The following INTS13 variants were observed in gnomAD, a reference collection of about 807,000 sequenced individuals.
INTS13 encodes asunder, spermatogenesis regulator homolog (Drosphila).
In INTS13, 35 loss-of-function variants were observed where a neutral mutation model predicts 90.2. That is an observed-to-expected ratio of 0.39 (90% CI 0.30 to 0.51). INTS13 has a LOEUF of 0.51. Ranked by LOEUF, INTS13 falls within the 20% of genes least tolerant of loss-of-function variation. INTS13 has a pLI of 0.80. For synonymous variants in INTS13, 309 were observed against 277.1 expected, an observed-to-expected ratio of 1.11 and a Z score of -1.14; for missense variants, 601 against 851.2, an observed-to-expected ratio of 0.71 and a Z score of 3.66.
At position 26,928,326 on chromosome 12, in the gene INTS13, C is replaced by T. The variant is rs1239013410; in HGVS notation, c.504-41G>A. 4 of 1,497,564 alleles carry T rather than the reference C, an allele frequency of 2.7e-6. No homozygotes were observed. The African/African-American group carries it at 5.5e-5, about 21-fold the overall frequency. 92.8% of individuals were successfully genotyped at this position (1,497,564 alleles called of 1,614,324 possible). A position where few individuals can be genotyped will look rare whatever the true frequency, so the allele number is the denominator to read the frequency against. On this transcript the variant is annotated intron_variant, in intron 4 of 16. Transcript: ENST00000261191. The stretch of plus-strand genomic sequence containing the variant: ...GATATAGCAAATTTAAAGGAATAAA[C>T]AGTAACAGAAAAAATTCAAAACACT...
At chr12:26,926,000 C>A in intron 5 of INTS13, 149 bp from the exon 6 acceptor site, 1 of 565,766 alleles carries the variant, frequency 1.8e-6, no homozygotes, top group Non-Finnish European at 3.1e-6. Flanking sequence ...ATTAGAAAGG[C>A]AGTATATGTA....
chr12:26,926,747 C>T (rs756290563), intron 5 of INTS13, among the ~76,000 whole-genome samples: 26 of 152,170 alleles, frequency 1.7e-4, no homozygotes, highest in Admixed American at 1.3e-4. Flanking sequence ...CAGTTCTTGA[C>T]ACATAGCTCT....
At chr12:26,913,929 T>A (rs759624731) in intron 13 of INTS13, 45 bp downstream of exon 13, 45 of 1,525,202 alleles carry the variant, frequency 3.0e-5, no homozygotes, top group Non-Finnish European at 3.9e-5. Context: ...ACAATATGTA[T>A]CAAGTAAATG....
chr12:26,936,074 C>T (rs762527211), intron 2 of INTS13, among the ~76,000 whole-genome samples: 4 of 152,216 alleles, frequency 2.6e-5, no homozygotes, highest in Non-Finnish European at 5.9e-5. Flanking sequence ...TTGCAAGCAG[C>T]TAGCCAGCTT....
intron 15 of INTS13, among the ~76,000 whole-genome samples, chr12:26,910,783 C>T (rs1393007514): frequency 6.6e-6 from 1 of 152,182 alleles, no homozygotes; most frequent in Non-Finnish European, 1.5e-5. Context: ...AAGAACTCTT[C>T]CTCACATACA....
At chr12:26,935,728 G>A (rs528438441) in intron 2 of INTS13, among the ~76,000 whole-genome samples, 7 of 152,164 alleles carry the variant, frequency 4.6e-5, no homozygotes, top group African/African-American at 1.7e-4. Flanking sequence ...ATTTTAAGAA[G>A]GGCTTATATT....
chr12:26,920,943 A>G (rs2137487086), intron 8 of INTS13, among the ~76,000 whole-genome samples: 1 of 152,350 alleles, frequency 6.6e-6, no homozygotes, highest in Non-Finnish European at 1.5e-5. Flanking sequence ...CAACATAATC[A>G]AAGTCAACCG....
chr12:26,920,591 G>A (rs185779327), intron 8 of INTS13, among the ~76,000 whole-genome samples: 70 of 152,112 alleles, frequency 4.6e-4, no homozygotes, highest in Admixed American at 1.0e-3. Context: ...AGTAGAGACG[G>A]GGTTTCACCA....
At chr12:26,928,097 G>T in intron 5 of INTS13, 108 bp downstream of exon 5, 1 of 691,248 alleles carries the variant, frequency 1.4e-6, no homozygotes, top group Non-Finnish European at 2.3e-6. Flanking sequence ...CTAATTTGTT[G>T]AGTCAATAGA....
intron 11 of INTS13, 92 bp downstream of exon 11, chr12:26,915,909 TC>T (rs1951920007): frequency 1.1e-6 from 1 of 884,382 alleles, no homozygotes; most frequent in African/African-American, 1.7e-5. Flanking sequence ...TCTCTTTTTT[TC>T]CACAGACCTT....
At chr12:26,933,342 A>G (rs1232011232) in intron 3 of INTS13, among the ~76,000 whole-genome samples, 1 of 152,200 alleles carries the variant, frequency 6.6e-6, no homozygotes, top group African/African-American at 2.4e-5. Flanking sequence ...TGGAAAATAC[A>G]AAGCCTAGCA....
intron 11 of INTS13, 58 bp downstream of exon 11, chr12:26,915,944 C>G (rs965338689): frequency 7.5e-7 from 1 of 1,328,936 alleles, no homozygotes; most frequent in Non-Finnish European, 1.0e-6. Context: ...CACTCGATAA[C>G]TACTTGCTGA....
At chr12:26,932,586 T>C (rs1025208557) in intron 3 of INTS13, among the ~76,000 whole-genome samples, 1 of 152,186 alleles carries the variant, frequency 6.6e-6, no homozygotes, top group African/African-American at 2.4e-5. Context: ...TACTGCGCAA[T>C]AGAACTTACT....
At chr12:26,935,559 C>T (rs970664009) in intron 2 of INTS13, among the ~76,000 whole-genome samples, 1 of 152,158 alleles carries the variant, frequency 6.6e-6, no homozygotes, top group African/African-American at 2.4e-5. Flanking sequence ...AAGTGTTATA[C>T]TTACACGGGA....
In INTS13 at chr12:26,917,679, G is replaced by A; in HGVS notation, c.944C>T (p.Thr315Ile). Residue 315 changes from threonine to isoleucine, a missense_variant, in exon 9 of 17, where the codon ACA becomes ATA. By Grantham distance (89) the Thr-to-Ile change is moderately conservative (BLOSUM62 -1). Coordinates refer to ENST00000261191, the MANE Select transcript of INTS13 (RefSeq NM_018164.3). The stretch of plus-strand genomic sequence containing the variant: ...TGTCCTTGGTGTACACCACTTTAAT[G>A]TTATTGTTTCTTTAAACGAGCCTTC... ...SREGSFKETI[T>I]LKWCTPRTNN... 6.2e-7 allele frequency: 1 copy of A among 1,613,844 alleles called. No homozygotes were observed. The highest frequency in any genetic ancestry group is 8.5e-7 in the Non-Finnish European group (1 of 1,179,888).
intron 15 of INTS13, among the ~76,000 whole-genome samples, chr12:26,908,941 T>G (rs1458469331): frequency 3.3e-5 from 5 of 152,200 alleles, no homozygotes; most frequent in African/African-American, 1.2e-4. Context: ...TTCATCTAAG[T>G]GACAAGCTAG....
chr12:26,914,876 T>G (rs1242491759), intron 11 of INTS13, among the ~76,000 whole-genome samples: 2 of 152,140 alleles, frequency 1.3e-5, no homozygotes, highest in African/African-American at 4.8e-5. Context: ...AACTTTTCTA[T>G]CACACACAGA....
At chr12:26,925,715 T>G in intron 6 of INTS13, 46 bp downstream of exon 6, 1 of 1,404,758 alleles carries the variant, frequency 7.1e-7, no homozygotes, top group Non-Finnish European at 1.0e-6. Context: ...CAGTATTTAT[T>G]ATTATTAACC....
intron 15 of INTS13, among the ~76,000 whole-genome samples, chr12:26,910,024 C>G (rs10771311): frequency 6.6e-6 from 1 of 151,916 alleles, no homozygotes; most frequent in Non-Finnish European, 1.5e-5. Context: ...AAGCCTAGAA[C>G]GATTTCAGGA....
Sources: allele counts gnomAD v4.1 joint callset (sites outside exome capture counted in the v4.1 genomes callset), GRCh38; gene constraint gnomAD v4.1.1; transcripts MANE v1.5; gene names NCBI Gene and HGNC (gene_info 2026-07-23, HGNC 2026-07-21).